Variants in VPS26B observed in about 807,000 individuals in gnomAD.
VPS26B encodes vacuolar protein sorting-associated protein 26B.
In VPS26B, 10 loss-of-function variants were observed where a neutral mutation model predicts 33.3. That is an observed-to-expected ratio of 0.30 (90% confidence interval 0.19 to 0.51). The LOEUF (loss-of-function observed/expected upper bound fraction) is 0.51. VPS26B is among the 20% of genes least tolerant of loss of function. VPS26B has a pLI of 0.98. For missense variants in VPS26B, 317 were observed against 452.7 expected (o/e 0.70, Z 2.72); for synonymous variants, 190 against 176.9 (o/e 1.07, Z -0.59).
chr11:134,232,966 T>G (rs1274800413), intron 1 of VPS26B, among the ~76,000 whole-genome samples: 1 of 152,186 alleles, frequency 6.6e-6, no homozygotes, highest in Non-Finnish European at 1.5e-5. Flanking sequence ...ACTTCTGACT[T>G]TTATTGGGGG....
At chr11:134,228,619 G>T (rs1397146016) in intron 1 of VPS26B, among the ~76,000 whole-genome samples, 3 of 152,264 alleles carry the variant, frequency 2.0e-5, no homozygotes, top group African/African-American at 7.2e-5. Context: ...CTATTTGGAA[G>T]TCTATTTGGA....
chr11:134,225,320 C>G lies in VPS26B; in HGVS notation c.198C>G (p.Ile66Met). Residue 66 changes from isoleucine to methionine, a missense_variant, in exon 1 of 6, where the codon ATC becomes ATG. By Grantham distance (10) the Ile-to-Met change is conservative. Transcript: ENST00000281187. The stretch of plus-strand genomic sequence containing the variant: ...ACAAGCGGCTGGAGCACCAGGGCAT[C>G]AAGATCGAGTTCATCGGGCAGATCG... Reference protein sequence around the residue: ...NPNKRLEHQGIKIEFIGQIEL... With the variant: ...NPNKRLEHQGMKIEFIGQIEL... 6.2e-7 allele frequency: 1 copy of G among 1,613,988 alleles called. No homozygotes were observed. Among genetic ancestry groups the G allele is most frequent in the Non-Finnish European group, 8.5e-7 (1 of 1,179,944 alleles).
rs567825625 is a variant in VPS26B, at chr11:134,245,210, A to G, written c.864+130A>G. On this transcript the variant is annotated intron_variant, in intron 5 of 5. Coordinates refer to ENST00000281187, the MANE Select transcript of VPS26B (RefSeq NM_052875.5). The surrounding 1 kb of genome is among the most constrained non-coding windows in gnomAD (Gnocchi z 4.7). ...AGGTCGCCCACAATTGCACAACAAG[A>G]ATGAGGATTCTCACCTGGCCTTAGA... is the stretch of plus-strand genomic sequence containing the variant. The G allele has an allele frequency of 1.8e-5, 25 of 1,391,006 alleles. No homozygotes were observed. In the African/African-American group the frequency reaches 3.3e-4, roughly 18 times the overall value. 86.2% of individuals were successfully genotyped at this position (1,391,006 alleles called of 1,614,324 possible).
chr11:134,232,313 G>C (rs945916399), intron 1 of VPS26B, among the ~76,000 whole-genome samples: 8 of 152,194 alleles, frequency 5.3e-5, no homozygotes, highest in Non-Finnish European at 1.0e-4. Context: ...ATTTATGCAA[G>C]AGGAAACCAA....
chr11:134,227,824 G>T (rs1938501305), intron 1 of VPS26B, among the ~76,000 whole-genome samples: 1 of 152,194 alleles, frequency 6.6e-6, no homozygotes, highest in Non-Finnish European at 1.5e-5. Flanking sequence ...TATGGTAGTT[G>T]TAGTAAAATG....
In VPS26B at chr11:134,245,595, C is replaced by T; in HGVS notation, c.*5C>T. 1 of 1,605,160 alleles carries T rather than the reference C, an allele frequency of 6.2e-7. No individual in the cohort carries two copies. On this transcript the variant is annotated 3_prime_UTR_variant, in exon 6 of 6. Transcript: ENST00000281187. The surrounding 1 kb of genome is among the most constrained non-coding windows in gnomAD (Gnocchi z 4.7). ...GACAACAACTGCAGGCAGTAGGCCC[C>T]CAGGGCCGAGAAGATGCTGGGCACC...
intron 1 of VPS26B, among the ~76,000 whole-genome samples, chr11:134,233,447 G>T (rs1431383844): frequency 6.6e-6 from 1 of 152,222 alleles, no homozygotes; most frequent in Admixed American, 6.5e-5. Context: ...ACCTCGGCCG[G>T]GCACGGTGGC....
chr11:134,239,811 A>G (rs985296135), intron 2 of VPS26B, 180 bp from the exon 3 acceptor site: 14 of 664,650 alleles, frequency 2.1e-5, no homozygotes, highest in South Asian at 1.6e-4. Context: ...AGGTCTCTGT[A>G]TAGGTACATA....
At chr11:134,230,087 A>G (rs1259017092) in intron 1 of VPS26B, among the ~76,000 whole-genome samples, 1 of 152,206 alleles carries the variant, frequency 6.6e-6, no homozygotes, top group African/African-American at 2.4e-5. Flanking sequence ...TGACTTCCCC[A>G]GGCTGACTTA....
rs1938783742 is a variant in VPS26B, at chr11:134,244,706, C to T, written c.722-232C>T. On this transcript the variant is annotated intron_variant, in intron 4 of 5. Coordinates refer to ENST00000281187, the MANE Select transcript of VPS26B (RefSeq NM_052875.5). The surrounding 1 kb of genome is among the most constrained non-coding windows in gnomAD (Gnocchi z 4.0). Reference sequence around the variant, plus strand: ...GACCTGTGCTGTTCCCACTCAGTTGCTCTCTGTTTTCGAGAAGACATGAGA... The same window carrying T: ...GACCTGTGCTGTTCCCACTCAGTTGTTCTCTGTTTTCGAGAAGACATGAGA... 1 of 522,458 alleles carries T rather than the reference C, an allele frequency of 1.9e-6. No individual in the cohort carries two copies. Among genetic ancestry groups the T allele is most frequent in the Admixed American group, 3.5e-5 (1 of 28,796 alleles). 32.4% of individuals were successfully genotyped at this position (522,458 alleles called of 1,614,324 possible).
chr11:134,239,872 G>A, intron 2 of VPS26B, 119 bp from the exon 3 acceptor site: 1 of 1,071,700 alleles, frequency 9.3e-7, no homozygotes, highest in East Asian at 2.5e-5. Flanking sequence ...AGGATACAAA[G>A]CCCTCAAGGG....
chr11:134,229,267 C>G (rs1477836274), intron 1 of VPS26B, among the ~76,000 whole-genome samples: 1 of 152,174 alleles, frequency 6.6e-6, no homozygotes, highest in African/African-American at 2.4e-5. Flanking sequence ...AAGCGATCCT[C>G]CTGCCTTGGC....
In VPS26B at chr11:134,240,042, G is replaced by A. The variant is rs200963519; in HGVS notation, c.432G>A (p.Glu144=). The A allele has an allele frequency of 7.2e-5, 117 of 1,614,188 alleles. No homozygotes were observed. The highest frequency in any genetic ancestry group is 4.9e-4 in the Middle Eastern group (3 of 6,062). ...GCCGCCTCAATGATGTTGTCAAAGA[G>A]ATGGACATTGTAGTTCACACACTCA... ...ISRRLNDVVK[E]MDIVVHTLST... is the part of the protein sequence containing the mutation. The change falls in exon 3 of 6, where the codon GAG becomes GAA. Residue 144 remains glutamate, a synonymous_variant. Transcript: ENST00000281187. This position sits in a 1 kb window ranked among gnomAD's most constrained non-coding sequence, Gnocchi z 4.4.
Position 134,225,420 on chromosome 11 carries a change from C to T in VPS26B, c.223+75C>T, listed in dbSNP as rs761712816. 1.6e-5 allele frequency: 23 copies of T among 1,463,724 alleles called. No homozygotes were observed. In the East Asian group the frequency reaches 4.3e-4, roughly 27 times the overall value. 90.7% of individuals were successfully genotyped at this position (1,463,724 alleles called of 1,614,324 possible). A position where few individuals can be genotyped will look rare whatever the true frequency, so the allele number is the denominator to read the frequency against. Reference sequence around the variant, plus strand: ...GAGCAGGGTGATTCAGGGCCCAGCTCCTCCGGCGAGGCCTGTCACAGTCGC... The same window carrying T: ...GAGCAGGGTGATTCAGGGCCCAGCTTCTCCGGCGAGGCCTGTCACAGTCGC... On this transcript the variant is annotated intron_variant, in intron 1 of 5. Coordinates refer to ENST00000281187, the MANE Select transcript of VPS26B (RefSeq NM_052875.5).
At chr11:134,228,876 T>C (rs1189402087) in intron 1 of VPS26B, among the ~76,000 whole-genome samples, 1 of 152,188 alleles carries the variant, frequency 6.6e-6, no homozygotes, top group African/African-American at 2.4e-5. Flanking sequence ...GAGGTCTGGC[T>C]GACGGGGTGG....
intron 1 of VPS26B, among the ~76,000 whole-genome samples, chr11:134,228,765 C>T (rs558150999): frequency 3.3e-5 from 5 of 152,206 alleles, no homozygotes; most frequent in Admixed American, 1.3e-4. Context: ...GGCACCAGAG[C>T]GAGGCTAGTG....
intron 1 of VPS26B, among the ~76,000 whole-genome samples, chr11:134,231,541 C>G (rs1337439581): frequency 6.6e-6 from 1 of 150,472 alleles, no homozygotes; most frequent in Non-Finnish European, 1.5e-5. Context: ...CTGGGAGGGT[C>G]AGATGAAGAG....
chr11:134,227,340 C>G (rs937171246), intron 1 of VPS26B, among the ~76,000 whole-genome samples: 1 of 152,148 alleles, frequency 6.6e-6, no homozygotes, highest in African/African-American at 2.4e-5. Flanking sequence ...TTCTTTGGCT[C>G]CATAATAATA....
chr11:134,228,888 A>G (rs892988818), intron 1 of VPS26B, among the ~76,000 whole-genome samples: 11 of 152,140 alleles, frequency 7.2e-5, no homozygotes, highest in Non-Finnish European at 1.6e-4. Context: ...ACGGGGTGGC[A>G]TATGGCAGTA....
Sources: allele counts gnomAD v4.1 joint callset (sites outside exome capture counted in the v4.1 genomes callset), GRCh38; gene constraint gnomAD v4.1.1; non-coding constraint Gnocchi (gnomAD v3.1); transcripts MANE v1.5; gene names NCBI Gene and HGNC (gene_info 2026-07-23, HGNC 2026-07-21).